Variants in RELN observed in about 807,000 individuals in gnomAD.
RELN encodes reelin.
In RELN, 108 loss-of-function variants were observed where a neutral mutation model predicts 427.6. The observed-to-expected ratio is 0.25, with a 90% CI of 0.22 to 0.30. The LOEUF (loss-of-function observed/expected upper bound fraction) is 0.30, where lower values mean the gene tolerates loss of function less well. Among genes scored for constraint, RELN ranks in the 10% least tolerant of loss-of-function variants. The probability of loss-of-function intolerance (pLI) is 1.00; values close to 1 mark genes in which losing one functional copy is unlikely to be tolerated. For missense variants in RELN, 3,715 were observed against 4,302.8 expected (o/e 0.86, Z 3.82); for synonymous variants, 1,524 against 1,513.4 (o/e 1.01, Z -0.16).
chr7:103,701,017 C>T lies in RELN; in HGVS notation c.806-11G>A, dbSNP rs1834079407. The T allele has an allele frequency of 1.3e-6, 2 of 1,495,858 alleles. No homozygotes were observed. The highest frequency in any genetic ancestry group is 9.3e-7 in the Non-Finnish European group (1 of 1,072,638). The allele number at this position is 1,495,858 out of a possible 1,614,324, so 92.7% of individuals were successfully genotyped here. On this transcript the variant is annotated splice_polypyrimidine_tract_variant and intron_variant, in intron 8 of 64. Coordinates refer to ENST00000428762, the MANE Select transcript of RELN (RefSeq NM_005045.4). ...GACATGAACCTGACCCTGTAAATAGCAATAACAATAAATTTCAAGGTTAAA... is the reference window on the plus strand; with the variant it reads ...GACATGAACCTGACCCTGTAAATAGTAATAACAATAAATTTCAAGGTTAAA...
At chr7:103,747,207 A>G (rs1388373114) in intron 6 of RELN, among the ~76,000 whole-genome samples, 1 of 148,736 alleles carries the variant, frequency 6.7e-6, no homozygotes, top group Non-Finnish European at 1.5e-5. Context: ...GGTAGTAATT[A>G]AACAATGAGA....
chr7:103,768,726 G>A (rs770128628), intron 4 of RELN, among the ~76,000 whole-genome samples: 3 of 152,140 alleles, frequency 2.0e-5, no homozygotes, highest in Non-Finnish European at 2.9e-5. Flanking sequence ...CTCAGTTGGG[G>A]GAAATGAGTG....
At chr7:103,909,371 T>C (rs1795287907) in intron 2 of RELN, among the ~76,000 whole-genome samples, 1 of 151,756 alleles carries the variant, frequency 6.6e-6, no homozygotes, top group African/African-American at 2.4e-5. Context: ...AGTAAAAACT[T>C]CATCCTGGCA....
At chr7:103,551,598 TAGCCA>T (rs1355325762) in intron 40 of RELN, among the ~76,000 whole-genome samples, 1 of 152,170 alleles carries the variant, frequency 6.6e-6, no homozygotes, top group Non-Finnish European at 1.5e-5. Context: ...CCCATTTTCC[TAGCCA>T]AGCCAAGTAA....
At chr7:103,682,373 T>C in intron 10 of RELN, 112 bp from the exon 11 acceptor site, 1 of 1,071,516 alleles carries the variant, frequency 9.3e-7, no homozygotes, top group Non-Finnish European at 1.4e-6. Context: ...AGCTCCTCTA[T>C]GATGGACTCT....
At position 103,809,398 on chromosome 7, in the gene RELN, GGAGA is replaced by G. The variant is rs1336841133; in HGVS notation, c.473+24135_473+24138del. Among the ~76,000 whole-genome samples the G allele has an allele frequency of 4.6e-5, 7 of 152,166 alleles. No homozygotes were observed. In the East Asian group the frequency reaches 1.4e-3, roughly 29 times the overall value. On this transcript the variant is annotated intron_variant, in intron 3 of 64. Transcript: ENST00000428762. The stretch of plus-strand genomic sequence containing the variant: ...AGGAAACTGGAGGTCCAAAGCAGCG[GGAGA>G]GAGAGAGGGAAACCCCAGTGTACCA...
At chr7:103,594,616 C>G in intron 25 of RELN, 124 bp from the exon 26 acceptor site, 1 of 1,022,970 alleles carries the variant, frequency 9.8e-7, no homozygotes, top group Non-Finnish European at 1.5e-6. Flanking sequence ...CAATATTTTC[C>G]AAAAGCCCGT....
At chr7:103,585,675 A>G (rs1016334112) in intron 28 of RELN, among the ~76,000 whole-genome samples, 1 of 152,200 alleles carries the variant, frequency 6.6e-6, no homozygotes, top group Admixed American at 6.5e-5. Context: ...GATTCCAAAA[A>G]TTGATGGGTA....
chr7:103,646,803 A>G (rs1460615331), intron 16 of RELN, among the ~76,000 whole-genome samples: 1 of 152,026 alleles, frequency 6.6e-6, no homozygotes, highest in Non-Finnish European at 1.5e-5. Flanking sequence ...AAAGCCAGGC[A>G]AGGACACAAC....
At chr7:103,580,812 T>C (rs1053115590) in intron 28 of RELN, among the ~76,000 whole-genome samples, 2 of 152,216 alleles carry the variant, frequency 1.3e-5, no homozygotes, top group Non-Finnish European at 2.9e-5. Context: ...AAATTTATTA[T>C]TGGGCTTCAG....
intron 22 of RELN, among the ~76,000 whole-genome samples, chr7:103,607,453 A>G (rs775872327): frequency 3.9e-5 from 6 of 152,160 alleles, no homozygotes; most frequent in Non-Finnish European, 5.9e-5. Context: ...CTCAATACAA[A>G]TATTTAAATT....
At chr7:103,916,988 T>C in intron 2 of RELN, 87 bp downstream of exon 2, 2 of 1,009,918 alleles carry the variant, frequency 2.0e-6, no homozygotes, top group Non-Finnish European at 3.2e-6. Context: ...AATAAAGGTC[T>C]AACACTGTTA....
chr7:103,474,806 G>GAAAAA (rs57064398), intron 64 of RELN, among the ~76,000 whole-genome samples: 1 of 135,654 alleles, frequency 7.4e-6, no homozygotes, highest in African/African-American at 2.7e-5. Context: ...TTCCTTTTAT[G>GAAAAA]AAAAAAAAAA....
chr7:103,945,260 G>T (rs991687665), intron 1 of RELN, among the ~76,000 whole-genome samples: 2 of 152,052 alleles, frequency 1.3e-5, no homozygotes, highest in African/African-American at 4.8e-5. Context: ...CCCAACCCCT[G>T]CCAAAGAAAT....
rs143595627 is a variant in RELN, at chr7:103,588,937, G to A, written c.4145+659C>T. Among the ~76,000 whole-genome samples the A allele has an allele frequency of 6.8e-3, 598 of 88,446 alleles. 3 individuals carry two copies. Among genetic ancestry groups the A allele is most frequent in the African/African-American group, 0.031 (553 of 18,128 alleles). 58.0% of individuals were successfully genotyped at this position (88,446 alleles called of 152,430 possible). On this transcript the variant is annotated intron_variant, in intron 28 of 64. Transcript: ENST00000428762. ...TTCCAATATGGGATGTGTAAATTAT[G>A]TAAGGACTTTTAGAGTTATAATTTG...
intron 43 of RELN, among the ~76,000 whole-genome samples, chr7:103,542,089 C>T (rs931484395): frequency 1.3e-5 from 2 of 152,158 alleles, no homozygotes; most frequent in African/African-American, 4.8e-5. Flanking sequence ...AAGTTTTCGG[C>T]CCATCAAATG....
At chr7:103,693,926 T>C (rs1254979888) in intron 10 of RELN, among the ~76,000 whole-genome samples, 3 of 152,170 alleles carry the variant, frequency 2.0e-5, no homozygotes, top group African/African-American at 7.2e-5. Flanking sequence ...TTTTAATACT[T>C]TTTCTTCCTT....
intron 11 of RELN, among the ~76,000 whole-genome samples, chr7:103,681,210 A>G (rs77106830): frequency 0.01 from 1,584 of 152,282 alleles, 26 homozygotes; most frequent in African/African-American, 0.036. Flanking sequence ...GGCAAGGCAC[A>G]GGACAGGGAG....
At chr7:103,909,745 ATATATATATT>A in intron 2 of RELN, among the ~76,000 whole-genome samples, 1 of 12,940 alleles carries the variant, frequency 7.7e-5, no homozygotes, top group African/African-American at 2.1e-4. Flanking sequence ...ATATATATAA[ATATATATATT>A]AAATATATAT....
Sources: allele counts gnomAD v4.1 joint callset (sites outside exome capture counted in the v4.1 genomes callset), GRCh38; gene constraint gnomAD v4.1.1; transcripts MANE v1.5; gene names NCBI Gene and HGNC (gene_info 2026-07-23, HGNC 2026-07-21).